Variants in SMOC2 observed in about 807,000 individuals in gnomAD.
The protein encoded by SMOC2 is SPARC related modular calcium binding 2, also known as SPARC-related modular calcium-binding protein 2.
A neutral mutation model predicts 61.4 loss-of-function variants in SMOC2; 39 were observed. The observed-to-expected ratio is 0.64, with a 90% confidence interval of 0.49 to 0.83. SMOC2 has a LOEUF of 0.83. SMOC2 is among the 40% of genes least tolerant of loss of function. The pLI is 0.00. For missense variants in SMOC2, 556 were observed against 592.9 expected (o/e 0.94, Z 0.65); for synonymous variants, 247 against 239.9 (o/e 1.03, Z -0.27).
intron 2 of SMOC2, among the ~76,000 whole-genome samples, chr6:168,515,113 G>A (rs950393336): frequency 6.6e-6 from 1 of 152,188 alleles, no homozygotes; most frequent in Non-Finnish European, 1.5e-5. Flanking sequence ...TTTTCTGGAT[G>A]ATTATTTCAA....
At chr6:168,623,041 G>A (rs1195073984) in intron 9 of SMOC2, among the ~76,000 whole-genome samples, 3 of 152,182 alleles carry the variant, frequency 2.0e-5, no homozygotes, top group African/African-American at 4.8e-5. Flanking sequence ...TCTGACTTCC[G>A]TAGCTTGTCC....
At chr6:168,613,323 C>G (rs1290106265) in intron 9 of SMOC2, among the ~76,000 whole-genome samples, 1 of 152,118 alleles carries the variant, frequency 6.6e-6, no homozygotes, top group African/African-American at 2.4e-5. Flanking sequence ...TGTGGGTGTC[C>G]TGATGTTGGT....
At chr6:168,515,531 G>A (rs1015957731) in intron 2 of SMOC2, among the ~76,000 whole-genome samples, 2 of 133,916 alleles carry the variant, frequency 1.5e-5, no homozygotes, top group Admixed American at 7.8e-5. Context: ...CCTGCCTCCC[G>A]TCTGCAGTTG....
At chr6:168,595,912 A>ATT (rs1449710152) in intron 7 of SMOC2, among the ~76,000 whole-genome samples, 1 of 152,268 alleles carries the variant, frequency 6.6e-6, no homozygotes, top group African/African-American at 2.4e-5. Flanking sequence ...ATGTTCCTGG[A>ATT]TAAAGCACAG....
chr6:168,610,421 G>C (rs948048779), intron 9 of SMOC2, among the ~76,000 whole-genome samples: 1 of 152,216 alleles, frequency 6.6e-6, no homozygotes, highest in African/African-American at 2.4e-5. Context: ...GAAAAAACAA[G>C]TAGGTCTTAA....
intron 7 of SMOC2, among the ~76,000 whole-genome samples, chr6:168,568,126 G>A (rs757801229): frequency 9.3e-5 from 14 of 151,348 alleles, no homozygotes; most frequent in Non-Finnish European, 1.6e-4. Flanking sequence ...AGCAGCTACA[G>A]GCGAAGACCG....
intron 1 of SMOC2, among the ~76,000 whole-genome samples, 173 bp downstream of exon 1, chr6:168,441,627 C>G (rs1187674999): frequency 6.6e-6 from 1 of 152,148 alleles, no homozygotes; most frequent in South Asian, 2.1e-4. Context: ...TAGGACGCAG[C>G]GTGCGCGCCT....
intron 2 of SMOC2, among the ~76,000 whole-genome samples, chr6:168,523,697 C>A (rs993611924): frequency 2.6e-5 from 4 of 152,096 alleles, no homozygotes; most frequent in African/African-American, 9.7e-5. Flanking sequence ...CCGCACCTGG[C>A]CGTCATACAG....
intron 2 of SMOC2, among the ~76,000 whole-genome samples, chr6:168,512,866 A>G (rs2248785): frequency 0.9 from 136,373 of 152,246 alleles, 61,998 homozygotes; most frequent in East Asian, 1. Context: ...GTACCCGCAC[A>G]CTGAGGAGCT....
intron 7 of SMOC2, among the ~76,000 whole-genome samples, chr6:168,575,922 T>G (rs539773791): frequency 6.6e-6 from 1 of 151,282 alleles, no homozygotes; most frequent in East Asian, 1.9e-4. Flanking sequence ...AGCACCCAGG[T>G]GAAGGCCAGT....
chr6:168,584,498 CTG>C (rs1485697976), intron 7 of SMOC2, among the ~76,000 whole-genome samples: 1 of 151,852 alleles, frequency 6.6e-6, no homozygotes, highest in Non-Finnish European at 1.5e-5. Context: ...TAAGAGGTCT[CTG>C]TTTAATCGAG....
Position 168,441,260 on chromosome 6 carries a change from G to A in SMOC2, c.-111G>A. ...CGGGAGCGGTGGGGAGAGCATCGCG[G>A]AGCCGCCCCTCCACGCGCCCGCCCA... On this transcript the variant is annotated 5_prime_UTR_variant, in exon 1 of 13. Transcript: ENST00000356284. 1 of 1,366,676 alleles carries A rather than the reference G, an allele frequency of 7.3e-7. No homozygotes were observed. Among genetic ancestry groups the A allele is most frequent in the East Asian group, 3.1e-5 (1 of 31,824 alleles). 84.7% of individuals were successfully genotyped at this position (1,366,676 alleles called of 1,614,324 possible).
Position 168,527,034 on chromosome 6 carries a change from CA to C in SMOC2, c.363+583del, listed in dbSNP as rs538762302. Among the ~76,000 whole-genome samples the C allele has an allele frequency of 1.3e-3, 195 of 152,304 alleles. 1 individual carries two copies. Among genetic ancestry groups the C allele is most frequent in the African/African-American group, 4.4e-3 (181 of 41,572 alleles). On this transcript the variant is annotated intron_variant, in intron 3 of 12. Transcript: ENST00000356284. The stretch of plus-strand genomic sequence containing the variant: ...TACTAACATACAATGCTAACTGGCA[CA>C]GGGGCAGAAAGAGCAGAAAAAACAG...
intron 9 of SMOC2, among the ~76,000 whole-genome samples, chr6:168,630,266 C>T (rs564251349): frequency 1.3e-5 from 2 of 152,250 alleles, no homozygotes; most frequent in South Asian, 2.1e-4. Context: ...ACGGAGGGAC[C>T]GGCTGAAGCC....
At chr6:168,615,755 C>T (rs1340284949) in intron 9 of SMOC2, among the ~76,000 whole-genome samples, 1 of 152,180 alleles carries the variant, frequency 6.6e-6, no homozygotes, top group Non-Finnish European at 1.5e-5. Flanking sequence ...CACAGGGTCT[C>T]TTCACATCTA....
At chr6:168,480,199 T>TA (rs1296940016) in intron 1 of SMOC2, among the ~76,000 whole-genome samples, 4 of 152,168 alleles carry the variant, frequency 2.6e-5, no homozygotes, top group African/African-American at 7.2e-5. Context: ...GTCCAGTTTT[T>TA]AACAAGAAGT....
chr6:168,640,622 C>T (rs892529829), intron 9 of SMOC2, among the ~76,000 whole-genome samples: 18 of 152,126 alleles, frequency 1.2e-4, no homozygotes, highest in Admixed American at 4.6e-4. Flanking sequence ...TTTACTAGTA[C>T]GGAAGCTTAT....
At chr6:168,652,138 T>A (rs557597168) in intron 10 of SMOC2, among the ~76,000 whole-genome samples, 32 of 152,288 alleles carry the variant, frequency 2.1e-4, no homozygotes, top group African/African-American at 6.5e-4. Context: ...CAAACTAAGC[T>A]AAACTGCAAA....
chr6:168,540,472 G>A (rs1467213170), intron 4 of SMOC2, among the ~76,000 whole-genome samples: 1 of 152,214 alleles, frequency 6.6e-6, no homozygotes, highest in African/African-American at 2.4e-5. Context: ...CCATTCAGCT[G>A]TACTTGGTGG....
Sources: gnomAD v4.1 joint callset for allele counts (sites outside exome capture counted in the v4.1 genomes callset) on GRCh38, gnomAD v4.1.1 for gene constraint, MANE v1.5 for transcripts, NCBI Gene and HGNC (gene_info 2026-07-23, HGNC 2026-07-21) for gene names.